The following C1orf21 variants were observed in gnomAD, a reference collection of about 807,000 sequenced individuals.
C1orf21 encodes chromosome 1 open reading frame 21.
Under a neutral mutation model 18.7 loss-of-function variants are expected in C1orf21, and 3 were observed. The ratio of observed to expected loss-of-function variants is 0.16; its 90% CI spans 0.07 to 0.42. C1orf21 has a LOEUF of 0.42. Ranked by LOEUF, C1orf21 falls within the 10% of genes least tolerant of loss-of-function variation. C1orf21 has a pLI of 0.99. For missense variants in C1orf21, 104 were observed against 143.6 expected (o/e 0.72, Z 1.41); for synonymous variants, 41 against 46.4 (o/e 0.88, Z 0.47).
rs1257021237 is a variant in C1orf21 at position 184,577,953 on chromosome 1, GTT to G, written c.190-12769_190-12768del. Among the ~76,000 whole-genome samples, 25 of 108,952 alleles carry G rather than the reference GTT, an allele frequency of 2.3e-4. 1 individual carries two copies. The highest frequency in any genetic ancestry group is 6.0e-4 in the East Asian group (2 of 3,308). The allele number at this position is 108,952 out of a possible 152,430, so 71.5% of individuals were successfully genotyped here. A position where few individuals can be genotyped will look rare whatever the true frequency, so the allele number is the denominator to read the frequency against. The stretch of plus-strand genomic sequence containing the variant: ...TCCGTTTGTTTTTTGTTTTGTTTTT[GTT>G]TTTTTTTTTTTTTTTTGAGACAGAG... On this transcript the variant is annotated intron_variant, in intron 3 of 5. Transcript: ENST00000235307.
intron 1 of C1orf21, among the ~76,000 whole-genome samples, chr1:184,456,762 T>G (rs1483062220): frequency 6.6e-6 from 1 of 152,210 alleles, no homozygotes; most frequent in Non-Finnish European, 1.5e-5. Context: ...CTCCTATGCT[T>G]GGCTTCATGC....
chr1:184,564,464 T>C (rs1056157027), intron 3 of C1orf21, among the ~76,000 whole-genome samples: 28 of 152,002 alleles, frequency 1.8e-4, no homozygotes, highest in African/African-American at 6.8e-4. Flanking sequence ...TGCACCACCA[T>C]GCCCGGCTGA....
intron 3 of C1orf21, among the ~76,000 whole-genome samples, chr1:184,539,264 C>T (rs972656749): frequency 1.3e-5 from 2 of 151,904 alleles, no homozygotes; most frequent in Non-Finnish European, 2.9e-5. Context: ...ATGTTTTTTT[C>T]CCTTTATTCT....
intron 3 of C1orf21, among the ~76,000 whole-genome samples, chr1:184,530,334 G>A (rs1372911135): frequency 1.3e-5 from 2 of 151,994 alleles, no homozygotes; most frequent in African/African-American, 4.8e-5. Flanking sequence ...CCACCACATA[G>A]ATTTATTTTT....
At chr1:184,520,436 A>G (rs954483548) in intron 3 of C1orf21, among the ~76,000 whole-genome samples, 9 of 152,230 alleles carry the variant, frequency 5.9e-5, no homozygotes, top group African/African-American at 2.2e-4. Flanking sequence ...TTATTAGCAC[A>G]TGGGTCTGAC....
At chr1:184,471,236 T>C (rs532321474) in intron 1 of C1orf21, among the ~76,000 whole-genome samples, 1 of 152,286 alleles carries the variant, frequency 6.6e-6, no homozygotes, top group East Asian at 1.9e-4. Flanking sequence ...AAAGGCAAGA[T>C]AGAGAAGAAG....
At chr1:184,607,951 ATG>A (rs1433845485) in intron 5 of C1orf21, among the ~76,000 whole-genome samples, 1 of 152,158 alleles carries the variant, frequency 6.6e-6, no homozygotes, top group Non-Finnish European at 1.5e-5. Context: ...TACAAATGGC[ATG>A]TGTTTTTATC....
chr1:184,454,796 G>A (rs1391875432), intron 1 of C1orf21, among the ~76,000 whole-genome samples: 4 of 152,126 alleles, frequency 2.6e-5, no homozygotes, highest in South Asian at 4.1e-4. Flanking sequence ...TGTGCAGCCT[G>A]TGGAACTGTG....
chr1:184,616,314 C>A (rs1659823277), intron 5 of C1orf21, among the ~76,000 whole-genome samples: 1 of 152,250 alleles, frequency 6.6e-6, no homozygotes, highest in Non-Finnish European at 1.5e-5. Flanking sequence ...AGGCAAGGAG[C>A]AGCCCTGTGG....
intron 3 of C1orf21, among the ~76,000 whole-genome samples, chr1:184,526,909 C>G (rs933493216): frequency 6.6e-6 from 1 of 152,108 alleles, no homozygotes; most frequent in Admixed American, 6.5e-5. Context: ...GCAGTCCCGT[C>G]CTTAAGGGGC....
chr1:184,412,889 TGA>T lies in C1orf21; in HGVS notation c.-125+25528_-125+25529del, dbSNP rs1440995007. Among the ~76,000 whole-genome samples the T allele has an allele frequency of 8.5e-5, 13 of 152,332 alleles. 1 individual carries two copies. The East Asian group carries it at 2.1e-3, about 25-fold the overall frequency. Reference sequence around the variant, plus strand: ...GGACAAGTGCAGCAGTTCCTACAACTGAGAGAGAAATTTCTCCTTGTGAAGGG... The same window carrying T: ...GGACAAGTGCAGCAGTTCCTACAACTGAGAGAAATTTCTCCTTGTGAAGGG... On this transcript the variant is annotated intron_variant, in intron 1 of 5. Coordinates refer to ENST00000235307, the MANE Select transcript of C1orf21 (RefSeq NM_030806.4).
At chr1:184,489,166 C>T (rs1476562886) in intron 2 of C1orf21, among the ~76,000 whole-genome samples, 1 of 151,898 alleles carries the variant, frequency 6.6e-6, no homozygotes, top group African/African-American at 2.4e-5. Flanking sequence ...AGTCAAAAGA[C>T]AAATGTCAAA....
rs138548230 is a variant in C1orf21 at position 184,483,836 on chromosome 1, C to T, written c.94+6233C>T. ...GAACTTTCTGTTTGTGCCAATAAAT[C>T]CCAAATCCTTAGTGAACATCCAAGG... is the stretch of plus-strand genomic sequence containing the variant. On this transcript the variant is annotated intron_variant, in intron 2 of 5. Coordinates refer to ENST00000235307, the MANE Select transcript of C1orf21 (RefSeq NM_030806.4). Among the ~76,000 whole-genome samples, 13 of 150,644 alleles carry T rather than the reference C, an allele frequency of 8.6e-5. No homozygotes were observed. In the East Asian group the frequency reaches 2.6e-3, roughly 30 times the overall value.
chr1:184,548,411 T>A (rs1341049825), intron 3 of C1orf21, among the ~76,000 whole-genome samples: 1 of 143,386 alleles, frequency 7.0e-6, no homozygotes, highest in Non-Finnish European at 1.5e-5. Flanking sequence ...TGCAGACTCT[T>A]TTTTTTTTTT....
rs1246209994 is a variant in C1orf21 at position 184,387,277 on chromosome 1, AG to A, written c.-215del. The A allele has an allele frequency of 6.8e-6, 1 of 146,082 alleles. No homozygotes were observed. Among genetic ancestry groups the A allele is most frequent in the Non-Finnish European group, 1.5e-5 (1 of 65,748 alleles). 9.0% of individuals were successfully genotyped at this position (146,082 alleles called of 1,614,324 possible). A position where few individuals can be genotyped will look rare whatever the true frequency, so the allele number is the denominator to read the frequency against. ...GGACACACTGTGGGGAGGAGGAGGA[AG>A]AAGAGGAGGAGGGAGGAAGAAAAAA... On this transcript the variant is annotated 5_prime_UTR_variant, in exon 1 of 6. Transcript: ENST00000235307. The surrounding 1 kb of genome is among the most constrained non-coding windows in gnomAD (Gnocchi z 5.6).
At chr1:184,580,354 T>A (rs1659259184) in intron 3 of C1orf21, among the ~76,000 whole-genome samples, 1 of 152,260 alleles carries the variant, frequency 6.6e-6, no homozygotes, top group Admixed American at 6.5e-5. Flanking sequence ...TGTCTGCAGC[T>A]AATCTGGGTG....
At chr1:184,503,959 C>T (rs529653358) in intron 2 of C1orf21, among the ~76,000 whole-genome samples, 6 of 152,266 alleles carry the variant, frequency 3.9e-5, no homozygotes, top group Admixed American at 3.9e-4. Context: ...GTACCCACTA[C>T]TGTTTGAGAT....
At chr1:184,516,867 G>C (rs775413495) in intron 3 of C1orf21, among the ~76,000 whole-genome samples, 19 of 152,172 alleles carry the variant, frequency 1.2e-4, no homozygotes, top group Non-Finnish European at 1.8e-4. Flanking sequence ...TGGAAATTAG[G>C]AGGCATCCCT....
intron 3 of C1orf21, among the ~76,000 whole-genome samples, chr1:184,510,084 A>G (rs1658122249): frequency 6.6e-6 from 1 of 152,198 alleles, no homozygotes; most frequent in Admixed American, 6.5e-5. Context: ...AAACAAAAGG[A>G]AAGAATAAAG....
Sources: gnomAD v4.1 joint callset for allele counts (sites outside exome capture counted in the v4.1 genomes callset) on GRCh38, gnomAD v4.1.1 for gene constraint, Gnocchi (gnomAD v3.1) non-coding constraint, MANE v1.5 for transcripts, NCBI Gene and HGNC (gene_info 2026-07-23, HGNC 2026-07-21) for gene names.